The following ATP11B variants were observed in gnomAD, a reference collection of about 807,000 sequenced individuals.
ATP11B encodes the protein phospholipid-transporting ATPase IF.
Under a neutral mutation model 157.8 loss-of-function variants are expected in ATP11B, and 81 were observed. The ratio of observed to expected loss-of-function variants is 0.51; its 90% confidence interval spans 0.43 to 0.62. The LOEUF (loss-of-function observed/expected upper bound fraction) is 0.62, where lower values mean the gene tolerates loss of function less well. Among genes scored for constraint, ATP11B ranks in the 20% least tolerant of loss-of-function variants. The pLI is 0.00. For synonymous variants in ATP11B, 451 were observed against 469.4 expected (o/e 0.96, Z 0.51); for missense variants, 1,165 against 1,402.2 (o/e 0.83, Z 2.70).
rs1423341970 is a variant in ATP11B at position 182,836,357 on chromosome 3, C to A, written c.439C>A (p.Arg147=). Residue 147 remains arginine (R), a synonymous_variant, in exon 6 of 30, where the codon CGA becomes AGA. Transcript: ENST00000323116. ...TTCTTTATAGGTGGGTGATATTGTT[C>A]GAATAGCCAAAGATGAAATTTTTCC... is the stretch of plus-strand genomic sequence containing the variant. The part of the protein sequence containing the change: ...SKNIRVGDIV[R]IAKDEIFPAD... 1.2e-6 allele frequency: 2 copies of A among 1,613,700 alleles called. No individual in the cohort carries two copies. Among genetic ancestry groups the A allele is most frequent in the South Asian group, 2.2e-5 (2 of 91,048 alleles).
At chr3:182,824,912 C>T (rs1717612520) in intron 2 of ATP11B, among the ~76,000 whole-genome samples, 2 of 152,276 alleles carry the variant, frequency 1.3e-5, no homozygotes, top group South Asian at 4.1e-4. Context: ...TATTTGTGGA[C>T]ATTGTAGATT....
chr3:182,843,091 T>C (rs1029690302), intron 8 of ATP11B, among the ~76,000 whole-genome samples: 1 of 152,230 alleles, frequency 6.6e-6, no homozygotes, highest in Non-Finnish European at 1.5e-5. Flanking sequence ...TTTCAAGGTG[T>C]TAATGTAATG....
In ATP11B at chr3:182,880,888, C is replaced by T; in HGVS notation, c.2416C>T (p.Leu806=). ...APLQKAKVIR[L]IKISPEKPIT... ...TCATTATGTCTTTCAGGTAATAAGA[C>T]TAATAAAAATATCACCTGAGAAACC... The change falls in exon 21 of 30, where the codon CTA becomes TTA. Residue 806 remains leucine, a synonymous_variant. Transcript: ENST00000323116. 1 of 1,580,428 alleles carries T rather than the reference C, an allele frequency of 6.3e-7. No homozygotes were observed. Among genetic ancestry groups the T allele is most frequent in the Middle Eastern group, 1.7e-4 (1 of 5,952 alleles).
chr3:182,855,428 T>G (rs553255323), intron 10 of ATP11B, among the ~76,000 whole-genome samples: 64 of 152,152 alleles, frequency 4.2e-4, no homozygotes, highest in Non-Finnish European at 9.1e-4. Flanking sequence ...TAAAACAAAC[T>G]TTTAGAAGAA....
chr3:182,865,417 A>G (rs757275169), intron 12 of ATP11B, 39 bp from the exon 13 acceptor site: 1 of 1,596,388 alleles, frequency 6.3e-7, no homozygotes, highest in South Asian at 1.1e-5. Flanking sequence ...AGGACCATGA[A>G]CACAAAGGTT....
At chr3:182,906,180 T>C (rs1171821290) in intron 28 of ATP11B, among the ~76,000 whole-genome samples, 6 of 152,234 alleles carry the variant, frequency 3.9e-5, no homozygotes, top group Non-Finnish European at 8.8e-5. Flanking sequence ...TGTGAAGATA[T>C]TCTCACAACC....
intron 23 of ATP11B, 75 bp downstream of exon 23, chr3:182,886,085 GT>G: frequency 1.0e-6 from 1 of 992,684 alleles, no homozygotes; most frequent in Non-Finnish European, 1.4e-6. Flanking sequence ...TTTGATAGAC[GT>G]TTGAAGGGAC....
intron 1 of ATP11B, among the ~76,000 whole-genome samples, chr3:182,814,650 A>T (rs1716866533): frequency 6.6e-6 from 1 of 152,006 alleles, no homozygotes. Context: ...TCTACAAAAA[A>T]TTTTAAAAGT....
intron 2 of ATP11B, among the ~76,000 whole-genome samples, 188 bp downstream of exon 2, chr3:182,820,564 G>A (rs1717269162): frequency 6.6e-6 from 1 of 152,064 alleles, no homozygotes; most frequent in Non-Finnish European, 1.5e-5. Flanking sequence ...CACCTCTACT[G>A]ACAGCTACTC....
intron 29 of ATP11B, chr3:182,916,905 T>C (rs565731825): frequency 1.0e-6 from 1 of 982,394 alleles, no homozygotes; most frequent in East Asian, 1.1e-4. Flanking sequence ...CTGTAAATAC[T>C]TACTCTTTAA....
At chr3:182,862,784 C>G (rs534632889) in intron 12 of ATP11B, among the ~76,000 whole-genome samples, 10 of 151,686 alleles carry the variant, frequency 6.6e-5, no homozygotes, top group Admixed American at 5.9e-4. Context: ...CCCTCTCATG[C>G]TGACTTTTTT....
intron 29 of ATP11B, chr3:182,914,292 T>G (rs765692694): frequency 2.0e-5 from 21 of 1,071,472 alleles, no homozygotes; most frequent in Non-Finnish European, 2.4e-5. Context: ...TGGTACTCTT[T>G]TATGGTTTGT....
Position 182,859,241 on chromosome 3 carries a change from T to C in ATP11B, c.1082T>C (p.Val361Ala). The C allele has an allele frequency of 6.2e-7, 1 of 1,612,846 alleles. No homozygotes were observed. Among genetic ancestry groups the C allele is most frequent in the Non-Finnish European group, 8.5e-7 (1 of 1,179,288 alleles). ...FIIPISLYVT[V>A]EMQKFLGSFF... Reference sequence around the variant, plus strand: ...ATTCCAATTTCATTATATGTGACAGTCGAAATGCAGAAATTTCTTGGATCA... The same window carrying C: ...ATTCCAATTTCATTATATGTGACAGCCGAAATGCAGAAATTTCTTGGATCA... The change falls in exon 12 of 30, where the codon GTC becomes GCC. Residue 361 changes from valine (V) to alanine (A), a missense_variant. Physicochemically the swap from Val to Ala is moderately conservative, Grantham distance 64. Around this residue, in one of 4 missense-constraint regions of ATP11B, gnomAD observed 737 missense variants for 930.5 expected, o/e 0.79. Coordinates refer to ENST00000323116, the MANE Select transcript of ATP11B (RefSeq NM_014616.3).
At chr3:182,833,365 G>T (rs1040911702) in intron 4 of ATP11B, among the ~76,000 whole-genome samples, 2 of 152,120 alleles carry the variant, frequency 1.3e-5, no homozygotes, top group Non-Finnish European at 2.9e-5. Context: ...TCATTCTGTT[G>T]TCCAGGCTGG....
chr3:182,870,548 G>A (rs751139070), intron 17 of ATP11B, among the ~76,000 whole-genome samples: 9 of 152,114 alleles, frequency 5.9e-5, no homozygotes, highest in Admixed American at 2.0e-4. Context: ...CATAGTTTGT[G>A]CTCAGTAAGT....
At chr3:182,793,823 C>T (rs370432765) in intron 1 of ATP11B, 37 bp downstream of exon 1, 38 of 1,272,598 alleles carry the variant, frequency 3.0e-5, no homozygotes, top group Non-Finnish European at 3.6e-5. Context: ...ATTCGTCCGC[C>T]CCCGCGGGGC....
intron 1 of ATP11B, among the ~76,000 whole-genome samples, chr3:182,794,344 A>G (rs1236226647): frequency 6.6e-6 from 1 of 152,060 alleles, no homozygotes; most frequent in African/African-American, 2.4e-5. Flanking sequence ...TCAGCGAGAG[A>G]CGTTTCTCCC....
At chr3:182,849,624 A>G (rs1406712162) in intron 10 of ATP11B, among the ~76,000 whole-genome samples, 2 of 152,230 alleles carry the variant, frequency 1.3e-5, no homozygotes, top group Non-Finnish European at 2.9e-5. Flanking sequence ...TAAAATGGAA[A>G]CATCATTAGG....
Position 182,876,344 on chromosome 3 carries a change from ATTTTC to A in ATP11B, c.2252+2333_2252+2337del, listed in dbSNP as rs1005672325. On this transcript the variant is annotated intron_variant, in intron 19 of 29. Transcript: ENST00000323116. ...AAGATTATTATTTGTAATTTAGGCT[ATTTTC>A]TTTAAGTCTTCTGTATATAGGTGGT... Among the ~76,000 whole-genome samples the A allele has an allele frequency of 1.4e-4, 22 of 152,260 alleles. No homozygotes were observed. In the East Asian group the frequency reaches 1.9e-3, roughly 13 times the overall value.
Sources: allele counts gnomAD v4.1 joint callset (sites outside exome capture counted in the v4.1 genomes callset), GRCh38; gene constraint gnomAD v4.1.1; regional missense constraint gnomAD v4.1.1; transcripts MANE v1.5; gene names NCBI Gene and HGNC (gene_info 2026-07-23, HGNC 2026-07-21).